Variants in DSE observed in about 807,000 individuals in gnomAD.
The protein encoded by DSE is dermatan sulfate epimerase, also known as dermatan-sulfate epimerase.
DSE carries 36 observed loss-of-function variants against 84.4 expected under a neutral mutation model. The observed-to-expected ratio is 0.43, with a 90% CI of 0.33 to 0.56. The LOEUF (loss-of-function observed/expected upper bound fraction) is 0.56. Among genes scored for constraint, DSE ranks in the 20% least tolerant of loss-of-function variants. The pLI, the probability that DSE is intolerant of heterozygous loss-of-function variation, is 0.06. For synonymous variants in DSE, 410 were observed against 430.1 expected, an observed-to-expected ratio of 0.95 and a Z score of 0.58; for missense variants, 862 against 1,169.6, an observed-to-expected ratio of 0.74 and a Z score of 3.84.
chr6:116,334,112 A>G (rs766849063), intron 2 of DSE, among the ~76,000 whole-genome samples: 2 of 152,200 alleles, frequency 1.3e-5, no homozygotes, highest in Non-Finnish European at 2.9e-5. Flanking sequence ...TTTGTTTCCC[A>G]CCATTAGATT....
At chr6:116,419,844 A>T (rs1782956803) in intron 2 of DSE, among the ~76,000 whole-genome samples, 1 of 152,224 alleles carries the variant, frequency 6.6e-6, no homozygotes, top group South Asian at 2.1e-4. Flanking sequence ...TAGGTTGGTA[A>T]AACTATAGTT....
intron 1 of DSE, among the ~76,000 whole-genome samples, chr6:116,397,756 A>G (rs1781353911): frequency 6.6e-6 from 1 of 152,206 alleles, no homozygotes; most frequent in Admixed American, 6.5e-5. Flanking sequence ...TTTATTTAGT[A>G]TGGCTATATT....
In DSE at chr6:116,440,225, CAG is replaced by C. The variant is rs1385993081; in HGVS notation, c.*2882_*2883del. On this transcript the variant is annotated 3_prime_UTR_variant, in exon 6 of 6. Coordinates refer to ENST00000644252, the MANE Select transcript of DSE (RefSeq NM_013352.4). ...AAGGTTATCAGAAAATATGTCTTAA[CAG>C]AATGTTTTGCATACTGAATAATTTG... The C allele has an allele frequency of 3.3e-5, 5 of 152,118 alleles. No individual in the cohort carries two copies. The highest frequency in any genetic ancestry group is 1.2e-4 in the African/African-American group (5 of 41,412). 9.4% of individuals were successfully genotyped at this position (152,118 alleles called of 1,614,324 possible).
intron 1 of DSE, among the ~76,000 whole-genome samples, chr6:116,392,375 CATTT>C (rs1431516180): frequency 1.3e-5 from 2 of 152,138 alleles, no homozygotes; most frequent in Admixed American, 6.5e-5. Flanking sequence ...CAGGAACATT[CATTT>C]GTCGGGTCTG....
intron 2 of DSE, among the ~76,000 whole-genome samples, chr6:116,303,222 G>A (rs1030811712): frequency 4.6e-5 from 7 of 151,444 alleles, no homozygotes; most frequent in African/African-American, 1.2e-4. Context: ...TCTTTATCTC[G>A]CTACCTCCTT....
Position 116,307,382 on chromosome 6 carries a change from G to A in DSE, c.-54+48415G>A, listed in dbSNP as rs533598497. 7.9e-5 allele frequency among the ~76,000 whole-genome samples: 12 copies of A among 152,310 alleles called. No homozygotes were observed. In the South Asian group the frequency reaches 2.5e-3, roughly 32 times the overall value. On this transcript the variant is annotated intron_variant, in intron 2 of 3. Coordinates refer to the DSE transcript ENST00000430252. ...GCATTGTATATGCTCCTACTTGCCTGTTCCTATGTCTTCAGTGATGGATTC... is the reference window on the plus strand; with the variant it reads ...GCATTGTATATGCTCCTACTTGCCTATTCCTATGTCTTCAGTGATGGATTC...
chr6:116,335,317 T>G (rs1474487963), intron 2 of DSE, among the ~76,000 whole-genome samples: 1 of 152,120 alleles, frequency 6.6e-6, no homozygotes, highest in Non-Finnish European at 1.5e-5. Context: ...AAGTGGGAGC[T>G]AAATGATGAA....
chr6:116,407,004 GAGA>G lies in DSE; in HGVS notation c.416+7343_416+7345del, dbSNP rs1472665544. 2.0e-5 allele frequency among the ~76,000 whole-genome samples: 3 copies of G among 152,298 alleles called. No homozygotes were observed. The East Asian group carries it at 5.8e-4, about 29-fold the overall frequency. ...CCACAGTTAAAACAGTGAGGGTGGG[GAGA>G]AGAAAGTATAAATTTAAGAGACATA... On this transcript the variant is annotated intron_variant, in intron 2 of 5. Coordinates refer to ENST00000644252, the MANE Select transcript of DSE (RefSeq NM_013352.4).
chr6:116,423,094 C>A (rs368213724), intron 2 of DSE: 3 of 152,154 alleles, frequency 2.0e-5, no homozygotes, highest in Non-Finnish European at 2.9e-5. Context: ...ACATTTATTT[C>A]TTTTCCCCCC....
intron 2 of DSE, among the ~76,000 whole-genome samples, chr6:116,329,564 A>G (rs1441903619): frequency 1.3e-5 from 2 of 152,204 alleles, no homozygotes; most frequent in African/African-American, 2.4e-5. Flanking sequence ...AATCTGATGA[A>G]TGTATTCTTA....
intron 1 of DSE, among the ~76,000 whole-genome samples, chr6:116,257,966 G>A (rs1772216508): frequency 1.3e-5 from 2 of 152,156 alleles, no homozygotes; most frequent in Admixed American, 1.3e-4. Context: ...TCATGATTCT[G>A]TGTTTCAATG....
At chr6:116,311,276 T>C (rs1290627725) in intron 2 of DSE, among the ~76,000 whole-genome samples, 1 of 152,198 alleles carries the variant, frequency 6.6e-6, no homozygotes, top group Non-Finnish European at 1.5e-5. Flanking sequence ...CATGTTTGTT[T>C]TCATATCGCC....
chr6:116,273,834 G>GTTTTTTTT, intron 2 of DSE, among the ~76,000 whole-genome samples: 1 of 136,944 alleles, frequency 7.3e-6, no homozygotes, highest in Non-Finnish European at 1.6e-5. Flanking sequence ...ATGTTTTTTT[G>GTTTTTTTT]TTTTTTTTTT....
upstream of DSE, among the ~76,000 whole-genome samples, chr6:116,368,170 GGTGAGAGTGGGGATACCTTTTTCTAAT>G: frequency 6.6e-6 from 1 of 152,144 alleles, no homozygotes; most frequent in East Asian, 1.9e-4. Flanking sequence ...CTTCAGCTAA[GGTGAGAGTGGGGATACCTTTTTCTAAT>G]TCTTACAAAA....
In DSE at chr6:116,273,830, T is replaced by G. The variant is rs1336463151; in HGVS notation, c.-54+14863T>G. On this transcript the variant is annotated intron_variant, in intron 2 of 3. Transcript: ENST00000430252. ...CCACTAATTTTCAAAAAGTATGTTTTTTTGTTTTTTTTTTTTTTTGAGACG... is the reference window on the plus strand; with the variant it reads ...CCACTAATTTTCAAAAAGTATGTTTGTTTGTTTTTTTTTTTTTTTGAGACG... 3.5e-5 allele frequency among the ~76,000 whole-genome samples: 3 copies of G among 84,944 alleles called. No homozygotes were observed. The Admixed American group carries it at 4.0e-4, about 11-fold the overall frequency. The allele number at this position is 84,944 out of a possible 152,430, so 55.7% of individuals were successfully genotyped here.
chr6:116,417,524 A>G (rs939181791), intron 2 of DSE, among the ~76,000 whole-genome samples: 3 of 152,128 alleles, frequency 2.0e-5, no homozygotes, highest in African/African-American at 7.2e-5. Context: ...AGTGGGGCCA[A>G]GTTGACTTAA....
Position 116,410,780 on chromosome 6 carries a change from C to A in DSE, c.416+11114C>A, listed in dbSNP as rs1251081030. Among the ~76,000 whole-genome samples the A allele has an allele frequency of 3.0e-5, 4 of 134,452 alleles. No individual in the cohort carries two copies. In the East Asian group the frequency reaches 7.0e-4, roughly 23 times the overall value. 88.2% of individuals were successfully genotyped at this position (134,452 alleles called of 152,430 possible). A position where few individuals can be genotyped will look rare whatever the true frequency, so the allele number is the denominator to read the frequency against. ...AAAAAAAAAAAAGAAGAAGAAGAAT[C>A]TTGTTGTGGGAGTAGATTGCCAATG... On this transcript the variant is annotated intron_variant, in intron 2 of 5. Coordinates refer to ENST00000644252, the MANE Select transcript of DSE (RefSeq NM_013352.4).
chr6:116,287,177 G>A (rs1773963400), intron 2 of DSE, among the ~76,000 whole-genome samples: 1 of 152,046 alleles, frequency 6.6e-6, no homozygotes. Flanking sequence ...CAGAAGAGTT[G>A]AGCACTGTTC....
intron 1 of DSE, chr6:116,256,782 T>C (rs1472102432): frequency 1.3e-5 from 2 of 152,160 alleles, no homozygotes; most frequent in African/African-American, 4.8e-5. Flanking sequence ...TTGAGGTGGG[T>C]GGATATATAA....
Sources: gnomAD v4.1 joint callset for allele counts (sites outside exome capture counted in the v4.1 genomes callset) on GRCh38, gnomAD v4.1.1 for gene constraint, MANE v1.5 for transcripts, NCBI Gene and HGNC (gene_info 2026-07-23, HGNC 2026-07-21) for gene names.